Variants in ITGBL1 observed in about 807,000 individuals in gnomAD.
The protein encoded by ITGBL1 is integrin beta-like protein 1.
ITGBL1 carries 51 observed loss-of-function variants against 68.5 expected under a neutral mutation model. That is an observed-to-expected ratio of 0.74 (90% confidence interval 0.59 to 0.94). The LOEUF is 0.94. ITGBL1 is among the 40% of genes least tolerant of loss of function. The pLI, the probability that ITGBL1 is intolerant of heterozygous loss-of-function variation, is 0.00. For synonymous variants in ITGBL1, 209 were observed against 227.3 expected (o/e 0.92, Z 0.72); for missense variants, 649 against 647.4 (o/e 1.00, Z -0.03).
At chr13:101,619,544 C>A (rs1324875384) in intron 7 of ITGBL1, among the ~76,000 whole-genome samples, 1 of 152,134 alleles carries the variant, frequency 6.6e-6, no homozygotes, top group Non-Finnish European at 1.5e-5. Flanking sequence ...TTGACGACAC[C>A]TTGATTTGAG....
intron 7 of ITGBL1, among the ~76,000 whole-genome samples, chr13:101,659,118 C>G (rs1356076182): frequency 7.1e-6 from 1 of 141,638 alleles, no homozygotes; most frequent in Non-Finnish European, 1.5e-5. Flanking sequence ...GTGGGGCGAT[C>G]TCAGCTCCTC....
At chr13:101,525,595 T>A (rs2049363086) in intron 2 of ITGBL1, among the ~76,000 whole-genome samples, 1 of 151,912 alleles carries the variant, frequency 6.6e-6, no homozygotes, top group Non-Finnish European at 1.5e-5. Context: ...ATGAATTCCG[T>A]GTCTATTTTC....
chr13:101,635,216 G>T (rs540324831), intron 7 of ITGBL1, among the ~76,000 whole-genome samples: 6 of 152,030 alleles, frequency 3.9e-5, no homozygotes, highest in Non-Finnish European at 8.8e-5. Flanking sequence ...AGTCTCTCAA[G>T]CTTTTGTGGC....
intron 7 of ITGBL1, among the ~76,000 whole-genome samples, chr13:101,643,547 A>G (rs899868320): frequency 6.6e-6 from 1 of 152,134 alleles, no homozygotes; most frequent in Non-Finnish European, 1.5e-5. Context: ...GTCTTTCTCC[A>G]TTGCATTAGT....
intron 10 of ITGBL1, 146 bp from the exon 11 acceptor site, chr13:101,715,417 T>TGTAA (rs1244091902): frequency 1.5e-6 from 1 of 669,606 alleles, no homozygotes; most frequent in Non-Finnish European, 2.7e-6. Flanking sequence ...CTTAATAAGA[T>TGTAA]GTAATAATAA....
chr13:101,661,514 T>G (rs1404375272), intron 7 of ITGBL1, among the ~76,000 whole-genome samples: 1 of 152,198 alleles, frequency 6.6e-6, no homozygotes, highest in Non-Finnish European at 1.5e-5. Flanking sequence ...TCCTCTTGCT[T>G]CAGCTTATAG....
chr13:101,682,862 A>G (rs760061531), intron 7 of ITGBL1, among the ~76,000 whole-genome samples: 1 of 152,016 alleles, frequency 6.6e-6, no homozygotes, highest in South Asian at 2.1e-4. Context: ...ATTTGGTGTC[A>G]TATTTAGAAT....
intron 2 of ITGBL1, among the ~76,000 whole-genome samples, chr13:101,517,987 T>C (rs529909474): frequency 2.8e-4 from 43 of 152,310 alleles, no homozygotes; most frequent in African/African-American, 1.0e-3. Flanking sequence ...TGCCATGTTA[T>C]GGCATGACGT....
chr13:101,608,510 C>G (rs577545443), intron 7 of ITGBL1, among the ~76,000 whole-genome samples: 28 of 151,990 alleles, frequency 1.8e-4, no homozygotes, highest in African/African-American at 6.0e-4. Flanking sequence ...TGGAAGTTCT[C>G]CAAACATTTT....
chr13:101,703,748 A>T (rs567960089), intron 8 of ITGBL1, among the ~76,000 whole-genome samples: 6 of 152,346 alleles, frequency 3.9e-5, no homozygotes, highest in Admixed American at 3.9e-4. Context: ...ATTAAAAGAA[A>T]TGAGAAAGAC....
At chr13:101,579,797 C>T (rs572761898) in intron 5 of ITGBL1, among the ~76,000 whole-genome samples, 2 of 152,202 alleles carry the variant, frequency 1.3e-5, no homozygotes, top group South Asian at 4.2e-4. Context: ...ATCTAATTAT[C>T]CGTAGAGAAT....
chr13:101,604,191 T>A (rs1007227591), intron 7 of ITGBL1, among the ~76,000 whole-genome samples: 11 of 151,896 alleles, frequency 7.2e-5, no homozygotes, highest in African/African-American at 2.7e-4. Flanking sequence ...TTTTCATTTG[T>A]CTCTAAATTT....
intron 7 of ITGBL1, among the ~76,000 whole-genome samples, chr13:101,643,196 G>A (rs1240989509): frequency 1.3e-5 from 2 of 151,310 alleles, no homozygotes; most frequent in Non-Finnish European, 2.9e-5. Flanking sequence ...CTACCCATGA[G>A]CATGGAATGT....
chr13:101,547,945 A>G (rs2139204639), intron 2 of ITGBL1, among the ~76,000 whole-genome samples: 1 of 151,818 alleles, frequency 6.6e-6, no homozygotes, highest in African/African-American at 2.4e-5. Flanking sequence ...ACACACATGT[A>G]TATACACATA....
At chr13:101,549,331 T>G (rs1343879332) in intron 2 of ITGBL1, among the ~76,000 whole-genome samples, 1 of 151,874 alleles carries the variant, frequency 6.6e-6, no homozygotes, top group Non-Finnish European at 1.5e-5. Context: ...AATCAAACTT[T>G]CAAGAAGAAA....
intron 7 of ITGBL1, among the ~76,000 whole-genome samples, chr13:101,638,857 A>G (rs912180544): frequency 4.6e-5 from 7 of 152,216 alleles, no homozygotes; most frequent in African/African-American, 1.7e-4. Context: ...AGTGAGATTG[A>G]AAATATTATT....
chr13:101,453,636 G>A (rs752244379), intron 1 of ITGBL1, among the ~76,000 whole-genome samples: 2 of 152,206 alleles, frequency 1.3e-5, no homozygotes, highest in Non-Finnish European at 2.9e-5. Context: ...ACCTGTGTCC[G>A]GGGGCAGGTC....
intron 2 of ITGBL1, among the ~76,000 whole-genome samples, chr13:101,565,954 A>G (rs982613574): frequency 2.4e-4 from 36 of 151,840 alleles, no homozygotes; most frequent in African/African-American, 8.2e-4. Flanking sequence ...TAACCATCTC[A>G]CCTTTAAAAA....
chr13:101,470,624 C>A (rs1375635723), intron 2 of ITGBL1, among the ~76,000 whole-genome samples: 2 of 152,076 alleles, frequency 1.3e-5, no homozygotes, highest in Non-Finnish European at 2.9e-5. Flanking sequence ...TGAAAGTCAA[C>A]TAGGCAACCT....
Sources: gnomAD v4.1 joint callset for allele counts (sites outside exome capture counted in the v4.1 genomes callset) on GRCh38, gnomAD v4.1.1 for gene constraint, MANE v1.5 for transcripts, NCBI Gene and HGNC (gene_info 2026-07-23, HGNC 2026-07-21) for gene names.